Variants in NLGN1 observed in about 807,000 individuals in gnomAD.
The protein encoded by NLGN1 is neuroligin-1.
A neutral mutation model predicts 65.5 loss-of-function variants in NLGN1; 12 were observed. The ratio of observed to expected loss-of-function variants is 0.18; its 90% confidence interval spans 0.12 to 0.30. NLGN1 has a LOEUF of 0.30. Among genes scored for constraint, NLGN1 ranks in the 10% least tolerant of loss-of-function variants. NLGN1 has a pLI of 1.00. For synonymous variants in NLGN1, 350 were observed against 359.5 expected (o/e 0.97, Z 0.30); for missense variants, 750 against 1,007.1 (o/e 0.74, Z 3.46).
At chr3:173,479,934 G>A (rs954529396) in intron 2 of NLGN1, among the ~76,000 whole-genome samples, 1 of 152,110 alleles carries the variant, frequency 6.6e-6, no homozygotes, top group African/African-American at 2.4e-5. Context: ...AAGGATCAGA[G>A]TCAAGTTAGG....
chr3:173,538,871 T>C (rs59009189), intron 2 of NLGN1, among the ~76,000 whole-genome samples: 5,450 of 112,408 alleles, frequency 0.048, 303 homozygotes, highest in African/African-American at 0.17. Context: ...AATATCTTCA[T>C]GGTTTTTTTT....
intron 2 of NLGN1, among the ~76,000 whole-genome samples, chr3:173,539,668 C>CATATATAACATATATGTATATGT (rs1560406286): frequency 1.5e-5 from 1 of 66,052 alleles, no homozygotes; most frequent in African/African-American, 3.7e-5. Context: ...TGTATATATG[C>CATATATAACATATATGTATATGT]ACATATATAA....
intron 3 of NLGN1, among the ~76,000 whole-genome samples, chr3:173,608,950 C>A (rs977569341): frequency 6.6e-6 from 1 of 151,918 alleles, no homozygotes; most frequent in Non-Finnish European, 1.5e-5. Context: ...TCTAATAATA[C>A]CACATGCTTC....
chr3:174,038,436 C>T (rs1731596697), intron 4 of NLGN1, among the ~76,000 whole-genome samples: 1 of 152,138 alleles, frequency 6.6e-6, no homozygotes, highest in Non-Finnish European at 1.5e-5. Context: ...TGATGTGGGA[C>T]ATGATCTCTA....
chr3:173,965,481 C>CTTT (rs1298101645), intron 4 of NLGN1, among the ~76,000 whole-genome samples: 3 of 134,328 alleles, frequency 2.2e-5, no homozygotes, highest in African/African-American at 8.2e-5. Context: ...CCAGGCCCGG[C>CTTT]TTTTTTTTTT....
rs1268667452 is a variant in NLGN1 at position 174,275,256 on chromosome 3, T to TTGA, written c.647-56_647-54dup. The stretch of plus-strand genomic sequence containing the variant: ...ATACAGGCTTCATTTGTGTTTAAAT[T>TTGA]TGATGTCTATTTGATTCACGTCAGC... On this transcript the variant is annotated intron_variant, in intron 4 of 6. Coordinates refer to ENST00000457714, the Ensembl canonical transcript of NLGN1. 1.8e-5 allele frequency: 23 copies of TTGA among 1,260,408 alleles called. No individual in the cohort carries two copies. The African/African-American group carries it at 1.9e-4, about 11-fold the overall frequency. The allele number at this position is 1,260,408 out of a possible 1,614,324, so 78.1% of individuals were successfully genotyped here.
chr3:174,056,661 T>C (rs921941715), intron 4 of NLGN1, among the ~76,000 whole-genome samples: 4 of 151,986 alleles, frequency 2.6e-5, no homozygotes, highest in Non-Finnish European at 5.9e-5. Context: ...TATTTTTTTA[T>C]TTTCCCATAA....
chr3:174,276,590 G>GTAT (rs1750638976), intron 5 of NLGN1, among the ~76,000 whole-genome samples: 1 of 151,740 alleles, frequency 6.6e-6, no homozygotes. Context: ...CAAACATATG[G>GTAT]TATTTGTTTT....
intron 3 of NLGN1, among the ~76,000 whole-genome samples, chr3:173,662,847 C>T (rs1471380753): frequency 6.6e-6 from 1 of 151,930 alleles, no homozygotes; most frequent in Non-Finnish European, 1.5e-5. Context: ...AACCCCAACA[C>T]AAAATTTTCC....
At chr3:174,019,371 A>ACCTGGCTCAGTCTTGC (rs1230342193) in intron 4 of NLGN1, among the ~76,000 whole-genome samples, 1 of 152,098 alleles carries the variant, frequency 6.6e-6, no homozygotes, top group Non-Finnish European at 1.5e-5. Context: ...GAGAGACTTG[A>ACCTGGCTCAGTCTTGC]CCTGGCTCAC....
At chr3:173,813,035 A>G (rs1718297018) in intron 4 of NLGN1, among the ~76,000 whole-genome samples, 1 of 151,640 alleles carries the variant, frequency 6.6e-6, no homozygotes, top group Non-Finnish European at 1.5e-5. Context: ...CACTTGATAT[A>G]TAAAAGGAAA....
chr3:173,475,020 T>C (rs1192283071), intron 2 of NLGN1, among the ~76,000 whole-genome samples: 1 of 152,136 alleles, frequency 6.6e-6, no homozygotes, highest in African/African-American at 2.4e-5. Flanking sequence ...ATGATTCTGA[T>C]ACTATGAAAT....
At chr3:173,420,331 GT>G (rs139153359) in intron 1 of NLGN1, among the ~76,000 whole-genome samples, 41,888 of 151,462 alleles carry the variant, frequency 0.28, 6,010 homozygotes, top group Middle Eastern at 0.4. Context: ...GCGGTGTTTG[GT>G]TTTTTTGTCC....
chr3:174,146,299 A>G (rs1561153229), intron 4 of NLGN1, among the ~76,000 whole-genome samples: 1 of 152,186 alleles, frequency 6.6e-6, no homozygotes, highest in Admixed American at 6.5e-5. Flanking sequence ...TGTCTATCAA[A>G]TATTTTAAGA....
intron 2 of NLGN1, among the ~76,000 whole-genome samples, chr3:173,594,005 G>A (rs750913963): frequency 2.8e-4 from 43 of 152,248 alleles, no homozygotes; most frequent in African/African-American, 9.4e-4. Context: ...CCGACAACAC[G>A]TGGGAATTAT....
At chr3:173,818,521 GACAA>G (rs1333151783) in intron 4 of NLGN1, among the ~76,000 whole-genome samples, 3 of 152,072 alleles carry the variant, frequency 2.0e-5, no homozygotes, top group Non-Finnish European at 2.9e-5. Context: ...GCAAAATCCA[GACAA>G]ACAAACAGAC....
chr3:173,479,248 C>T (rs1004133162), intron 2 of NLGN1, among the ~76,000 whole-genome samples: 1 of 151,864 alleles, frequency 6.6e-6, no homozygotes, highest in African/African-American at 2.4e-5. Context: ...ATACAGGTGG[C>T]TATATGTGTG....
At chr3:174,235,427 C>T (rs1741532665) in intron 4 of NLGN1, among the ~76,000 whole-genome samples, 1 of 152,100 alleles carries the variant, frequency 6.6e-6, no homozygotes, top group South Asian at 2.1e-4. Context: ...AATACAGTTG[C>T]TTGTTCACAC....
At chr3:173,932,326 A>T (rs1232705077) in intron 4 of NLGN1, among the ~76,000 whole-genome samples, 1 of 152,204 alleles carries the variant, frequency 6.6e-6, no homozygotes, top group Non-Finnish European at 1.5e-5. Flanking sequence ...CATAAGAAAT[A>T]AATTAATCTA....
Sources: allele counts gnomAD v4.1 joint callset (sites outside exome capture counted in the v4.1 genomes callset), GRCh38; gene constraint gnomAD v4.1.1; transcripts MANE v1.5; gene names NCBI Gene and HGNC (gene_info 2026-07-23, HGNC 2026-07-21).